The following SCAPER variants were observed in gnomAD, a reference collection of about 807,000 sequenced individuals.
SCAPER encodes the protein S-phase cyclin A associated protein in the ER, also known as S phase cyclin A-associated protein in the endoplasmic reticulum.
A neutral mutation model predicts 182.2 loss-of-function variants in SCAPER; 98 were observed. The observed-to-expected ratio is 0.54, with a 90% CI of 0.46 to 0.64. The LOEUF is 0.64. SCAPER is among the 30% of genes least tolerant of loss of function. SCAPER has a pLI of 0.00. For synonymous variants in SCAPER, 605 were observed against 564.6 expected (o/e 1.07, Z -1.01); for missense variants, 1,432 against 1,690.0 (o/e 0.85, Z 2.68).
At chr15:76,538,171 A>C (rs1382231649) in intron 23 of SCAPER, among the ~76,000 whole-genome samples, 4 of 143,946 alleles carry the variant, frequency 2.8e-5, no homozygotes, top group East Asian at 2.0e-4. Flanking sequence ...TTCCTCAGGG[A>C]TCTAGAACTA....
At chr15:76,387,928 G>C (rs574614030) in intron 27 of SCAPER, among the ~76,000 whole-genome samples, 1 of 152,296 alleles carries the variant, frequency 6.6e-6, no homozygotes, top group Admixed American at 6.5e-5. Context: ...GTGCCTACCA[G>C]TTCAAATGAG....
intron 17 of SCAPER, among the ~76,000 whole-genome samples, chr15:76,726,407 T>C (rs1000773586): frequency 2.0e-5 from 3 of 151,464 alleles, no homozygotes; most frequent in African/African-American, 7.3e-5. Context: ...GCAATGCTGC[T>C]GAGAACATAA....
At chr15:76,681,158 A>C (rs922329971) in intron 20 of SCAPER, among the ~76,000 whole-genome samples, 2 of 152,228 alleles carry the variant, frequency 1.3e-5, no homozygotes, top group African/African-American at 4.8e-5. Flanking sequence ...TAAGAAATGT[A>C]TGATAGTTAT....
intron 24 of SCAPER, among the ~76,000 whole-genome samples, chr15:76,483,144 A>G (rs1214710993): frequency 6.6e-6 from 1 of 152,134 alleles, no homozygotes; most frequent in Non-Finnish European, 1.5e-5. Context: ...GGTGAAAAAA[A>G]TAGACACATA....
At chr15:76,781,632 C>T (rs1243654230) in intron 8 of SCAPER, among the ~76,000 whole-genome samples, 1 of 152,078 alleles carries the variant, frequency 6.6e-6, no homozygotes, top group African/African-American at 2.4e-5. Context: ...TTAAGGGCAG[C>T]CAGAGAGAAA....
chr15:76,794,281 G>C (rs1481620906), intron 8 of SCAPER, among the ~76,000 whole-genome samples: 2 of 152,160 alleles, frequency 1.3e-5, no homozygotes, highest in East Asian at 3.9e-4. Flanking sequence ...AAACGAAACT[G>C]TGATATGTAT....
intron 25 of SCAPER, among the ~76,000 whole-genome samples, chr15:76,438,871 A>T (rs1226004723): frequency 6.6e-6 from 1 of 152,176 alleles, no homozygotes; most frequent in Non-Finnish European, 1.5e-5. Context: ...TTTCGCTTGG[A>T]ACCTTCGGTA....
chr15:76,758,096 T>C (rs996285133), intron 14 of SCAPER, among the ~76,000 whole-genome samples: 2 of 152,198 alleles, frequency 1.3e-5, no homozygotes, highest in African/African-American at 4.8e-5. Context: ...TTTAATTTGA[T>C]ATAATTCCAC....
chr15:76,875,487 T>C (rs2073075504), intron 2 of SCAPER, among the ~76,000 whole-genome samples: 1 of 151,992 alleles, frequency 6.6e-6, no homozygotes. Context: ...CTGCTAAAAA[T>C]ACAAAACTTA....
At chr15:76,428,697 A>G (rs1467971295) in intron 26 of SCAPER, among the ~76,000 whole-genome samples, 1 of 151,608 alleles carries the variant, frequency 6.6e-6, no homozygotes, top group Non-Finnish European at 1.5e-5. Flanking sequence ...CTACAATTAA[A>G]TAGGAGGAAT....
chr15:76,713,278 A>G lies in SCAPER; in HGVS notation c.2166-7294T>C, dbSNP rs1402408514. Reference sequence around the variant, plus strand: ...ATTTGACCCAGCCATCCCATTACTGAGTATATACCCAAAGGACTATAAATC... The same window carrying G: ...ATTTGACCCAGCCATCCCATTACTGGGTATATACCCAAAGGACTATAAATC... On this transcript the variant is annotated intron_variant, in intron 17 of 31. Transcript: ENST00000563290. 9.2e-5 allele frequency among the ~76,000 whole-genome samples: 14 copies of G among 152,160 alleles called. 1 individual carries two copies. The highest frequency in any genetic ancestry group is 3.9e-4 in the Admixed American group (6 of 15,260).
intron 9 of SCAPER, among the ~76,000 whole-genome samples, chr15:76,772,202 G>A (rs956710279): frequency 1.8e-4 from 28 of 151,958 alleles, no homozygotes; most frequent in African/African-American, 5.8e-4. Flanking sequence ...AAGAAATTAA[G>A]CAATTTATAT....
chr15:76,603,466 A>G (rs1272728974), intron 22 of SCAPER, among the ~76,000 whole-genome samples: 1 of 121,422 alleles, frequency 8.2e-6, no homozygotes, highest in African/African-American at 2.5e-5. Flanking sequence ...AGTCTTTGCT[A>G]TTGTGAATAG....
chr15:76,722,322 G>A (rs373396346), intron 17 of SCAPER, among the ~76,000 whole-genome samples: 482 of 152,174 alleles, frequency 3.2e-3, no homozygotes, highest in African/African-American at 0.011. Context: ...TGCTGGATTC[G>A]GTTTGCCAGT....
intron 27 of SCAPER, among the ~76,000 whole-genome samples, chr15:76,399,196 G>T (rs1420369110): frequency 6.6e-6 from 1 of 152,138 alleles, no homozygotes; most frequent in Non-Finnish European, 1.5e-5. Context: ...GGAGTGCAGT[G>T]GTGCCATCTC....
intron 22 of SCAPER, among the ~76,000 whole-genome samples, chr15:76,608,018 G>A (rs1239609151): frequency 6.6e-6 from 1 of 152,158 alleles, no homozygotes; most frequent in Non-Finnish European, 1.5e-5. Flanking sequence ...CTCTCAACTC[G>A]TCAAAGTCAT....
At chr15:76,698,807 T>C (rs980165527) in intron 20 of SCAPER, among the ~76,000 whole-genome samples, 4 of 152,238 alleles carry the variant, frequency 2.6e-5, no homozygotes, top group Non-Finnish European at 5.9e-5. Flanking sequence ...AAGAATGTCA[T>C]TGGTAGTTTG....
chr15:76,630,949 T>G (rs150063619), intron 21 of SCAPER, among the ~76,000 whole-genome samples: 1 of 152,234 alleles, frequency 6.6e-6, no homozygotes, highest in African/African-American at 2.4e-5. Context: ...TGTAGGTCTC[T>G]AAGAACTTGT....
chr15:76,461,935 C>T (rs2049216049), intron 25 of SCAPER, among the ~76,000 whole-genome samples: 1 of 152,242 alleles, frequency 6.6e-6, no homozygotes, highest in South Asian at 2.1e-4. Context: ...AGCTCAAATC[C>T]CAGTTTTCTT....
Sources: gnomAD v4.1 joint callset for allele counts (sites outside exome capture counted in the v4.1 genomes callset) on GRCh38, gnomAD v4.1.1 for gene constraint, MANE v1.5 for transcripts, NCBI Gene and HGNC (gene_info 2026-07-23, HGNC 2026-07-21) for gene names.